The following NRG2 variants were observed in gnomAD, a reference collection of about 807,000 sequenced individuals.
The protein encoded by NRG2 is neuregulin 2, also known as pro-neuregulin-2, membrane-bound isoform.
A neutral mutation model predicts 73.9 loss-of-function variants in NRG2; 27 were observed. The observed-to-expected ratio is 0.37, with a 90% CI of 0.27 to 0.50. The LOEUF is 0.50. NRG2 is among the 20% of genes least tolerant of loss of function. The pLI, the probability that NRG2 is intolerant of heterozygous loss-of-function variation, is 0.96. For missense variants in NRG2, 1,126 were observed against 1,210.1 expected (o/e 0.93, Z 1.03); for synonymous variants, 532 against 541.0 (o/e 0.98, Z 0.23).
At chr5:140,028,370 G>A (rs1256814832) in intron 1 of NRG2, among the ~76,000 whole-genome samples, 1 of 152,190 alleles carries the variant, frequency 6.6e-6, no homozygotes, top group Non-Finnish European at 1.5e-5. Flanking sequence ...ATTTTAAAAT[G>A]TAAGTGTTAC....
intron 1 of NRG2, among the ~76,000 whole-genome samples, chr5:140,000,455 AG>A (rs1231304785): frequency 1.3e-5 from 2 of 152,238 alleles, no homozygotes; most frequent in African/African-American, 4.8e-5. Context: ...AAAGAGGGAG[AG>A]GACTGAAGGG....
intron 3 of NRG2, 127 bp from the exon 4 acceptor site, chr5:139,871,968 G>A: frequency 7.6e-7 from 1 of 1,314,146 alleles, no homozygotes; most frequent in Non-Finnish European, 1.0e-6. Flanking sequence ...CTGGGGAGGG[G>A]AGGTCTGGTG....
chr5:140,015,867 G>A (rs1167539423), intron 1 of NRG2, among the ~76,000 whole-genome samples: 2 of 152,194 alleles, frequency 1.3e-5, no homozygotes, highest in Non-Finnish European at 2.9e-5. Context: ...TAGCTGTTAC[G>A]TCAGGTTTCC....
At chr5:139,977,311 T>G (rs1756450031) in intron 1 of NRG2, among the ~76,000 whole-genome samples, 2 of 152,114 alleles carry the variant, frequency 1.3e-5, no homozygotes, top group Admixed American at 1.3e-4. Flanking sequence ...GTCCTTGCTA[T>G]AGAGGGGAAT....
chr5:139,934,176 G>T (rs1228047406), intron 1 of NRG2, among the ~76,000 whole-genome samples: 1 of 152,178 alleles, frequency 6.6e-6, no homozygotes. Flanking sequence ...TCCAGGCTGG[G>T]AGTGAGACTC....
intron 1 of NRG2, among the ~76,000 whole-genome samples, chr5:139,951,453 C>T (rs1203862885): frequency 2.6e-5 from 4 of 152,184 alleles, no homozygotes; most frequent in Non-Finnish European, 5.9e-5. Flanking sequence ...TGCTGCCTCT[C>T]TGGGGTGCCA....
intron 1 of NRG2, among the ~76,000 whole-genome samples, chr5:139,896,241 A>T (rs1355637621): frequency 6.6e-6 from 1 of 152,214 alleles, no homozygotes; most frequent in Non-Finnish European, 1.5e-5. Context: ...ACAAACAGAC[A>T]TATGGTGGAG....
chr5:139,868,611 CAGAG>C lies in NRG2; in HGVS notation c.1113-2990_1113-2987del, dbSNP rs942412314. 5.9e-5 allele frequency among the ~76,000 whole-genome samples: 9 copies of C among 152,032 alleles called. No individual in the cohort carries two copies. Among genetic ancestry groups the C allele is most frequent in the South Asian group, 2.1e-4 (1 of 4,814 alleles). On this transcript the variant is annotated intron_variant, in intron 4 of 9. Coordinates refer to ENST00000361474, the MANE Select transcript of NRG2 (RefSeq NM_004883.3). This position sits in a 1 kb window ranked among gnomAD's most constrained non-coding sequence, Gnocchi z 4.2. Reference sequence around the variant, plus strand: ...AGCCCACGGGCTGCATCTGGGGTGACAGAGAGGTCAGGACCTCTGCCTTCCCCTT... The same window carrying C: ...AGCCCACGGGCTGCATCTGGGGTGACAGGTCAGGACCTCTGCCTTCCCCTT...
chr5:139,989,857 C>T (rs2436588), intron 1 of NRG2, among the ~76,000 whole-genome samples: 10 of 151,016 alleles, frequency 6.6e-5, no homozygotes, highest in East Asian at 3.9e-4. Context: ...GGCGTGATCT[C>T]GGCTCACTGC....
At chr5:140,024,418 C>T (rs1481392995) in intron 1 of NRG2, among the ~76,000 whole-genome samples, 2 of 152,136 alleles carry the variant, frequency 1.3e-5, no homozygotes, top group East Asian at 3.9e-4. Context: ...CTAGACCCGG[C>T]TAAGTTTTTG....
rs1386768808 is a variant in NRG2 at position 139,848,216 on chromosome 5, C to T, written c.2254G>A (p.Ala752Thr). ...RWRRSRLNGLAAQRARAARDS... is the reference protein window; with the variant it reads ...RWRRSRLNGLTAQRARAARDS... Reference sequence around the variant, plus strand: ...CTCGCCGCCCGTGCGCGCTGCGCCGCCAGCCCGTTGAGGCGCGAGCGGCGC... The same window carrying T: ...CTCGCCGCCCGTGCGCGCTGCGCCGTCAGCCCGTTGAGGCGCGAGCGGCGC... The change falls in exon 10 of 10, where the codon GCG (alanine) becomes ACG (threonine). Residue 752 changes from alanine to threonine, a missense_variant. By Grantham distance (58) the Ala-to-Thr change is moderately conservative (BLOSUM62 0). Around this residue, in one of 3 missense-constraint regions of NRG2, gnomAD observed 402 missense variants for 357.8 expected, o/e 1.12. Coordinates refer to ENST00000361474, the MANE Select transcript of NRG2 (RefSeq NM_004883.3). 3 of 1,237,020 alleles carry T rather than the reference C, an allele frequency of 2.4e-6. No homozygotes were observed. Among genetic ancestry groups the T allele is most frequent in the African/African-American group, 1.6e-5 (1 of 62,802 alleles). 76.6% of individuals were successfully genotyped at this position (1,237,020 alleles called of 1,614,324 possible).
intron 1 of NRG2, among the ~76,000 whole-genome samples, chr5:140,013,301 A>G (rs1013350182): frequency 2.0e-5 from 3 of 152,230 alleles, no homozygotes; most frequent in African/African-American, 7.2e-5. Flanking sequence ...GAAAGCATTT[A>G]GACAATCTCC....
intron 1 of NRG2, among the ~76,000 whole-genome samples, chr5:140,036,006 T>A (rs1257634770): frequency 2.0e-5 from 3 of 152,182 alleles, no homozygotes; most frequent in Non-Finnish European, 4.4e-5. Flanking sequence ...AAATGAAATG[T>A]TAACCACCAG....
chr5:139,990,884 A>T (rs1323076579), intron 1 of NRG2, among the ~76,000 whole-genome samples: 1 of 152,132 alleles, frequency 6.6e-6, no homozygotes, highest in Non-Finnish European at 1.5e-5. Flanking sequence ...TTTTTTGCGT[A>T]TCCTTAACAC....
In NRG2 at chr5:140,008,189, A is replaced by G. The variant is rs532089749; in HGVS notation, c.700+34181T>C. Among the ~76,000 whole-genome samples the G allele has an allele frequency of 1.7e-4, 26 of 152,340 alleles. No individual in the cohort carries two copies. The highest frequency in any genetic ancestry group is 6.2e-4 in the South Asian group (3 of 4,824). On this transcript the variant is annotated intron_variant, in intron 1 of 9. Coordinates refer to ENST00000361474, the MANE Select transcript of NRG2 (RefSeq NM_004883.3). This position sits in a 1 kb window ranked among gnomAD's most constrained non-coding sequence, Gnocchi z 4.2. ...GGTAAGTGCAGAGTCTATGCAGAAG[A>G]TGCATGGGGAAATCAAAGATCTATT...
At chr5:139,873,490 G>A (rs924801077) in intron 3 of NRG2, among the ~76,000 whole-genome samples, 1 of 152,282 alleles carries the variant, frequency 6.6e-6, no homozygotes, top group African/African-American at 2.4e-5. Context: ...AGTGGAGAGA[G>A]AGAAGGCAGC....
Position 139,894,457 on chromosome 5 carries a change from A to G in NRG2, c.701-6946T>C, listed in dbSNP as rs1257557742. On this transcript the variant is annotated intron_variant, in intron 1 of 9. Transcript: ENST00000361474. The surrounding 1 kb of genome is among the most constrained non-coding windows in gnomAD (Gnocchi z 5.0). Reference sequence around the variant, plus strand: ...CAGACTCCAAGTTCAAATGAGAAAGAAAAAAAAAAAACCCACTAAGCTAAA... The same window carrying G: ...CAGACTCCAAGTTCAAATGAGAAAGGAAAAAAAAAAACCCACTAAGCTAAA... 1.1e-5 allele frequency among the ~76,000 whole-genome samples: 1 copy of G among 88,648 alleles called. No homozygotes were observed. The highest frequency in any genetic ancestry group is 2.2e-5 in the Non-Finnish European group (1 of 45,920). 58.2% of individuals were successfully genotyped at this position (88,648 alleles called of 152,430 possible).
chr5:139,995,488 A>C (rs1006572314), intron 1 of NRG2, among the ~76,000 whole-genome samples: 1 of 152,224 alleles, frequency 6.6e-6, no homozygotes, highest in Non-Finnish European at 1.5e-5. Flanking sequence ...AGAAATATGC[A>C]GGTTCCCACA....
chr5:139,952,977 TC>T (rs1246897261), intron 1 of NRG2, among the ~76,000 whole-genome samples: 1 of 152,104 alleles, frequency 6.6e-6, no homozygotes. Context: ...TGCGGCCTAA[TC>T]CTGAACATAT....
Sources: gnomAD v4.1 joint callset for allele counts (sites outside exome capture counted in the v4.1 genomes callset) on GRCh38, gnomAD v4.1.1 for gene constraint, gnomAD v4.1.1 regional missense constraint, Gnocchi (gnomAD v3.1) non-coding constraint, MANE v1.5 for transcripts, NCBI Gene and HGNC (gene_info 2026-07-23, HGNC 2026-07-21) for gene names.